Variants in SGCD observed in about 807,000 individuals in gnomAD.
SGCD encodes the protein sarcoglycan delta, also known as delta-sarcoglycan.
In SGCD, 18 loss-of-function variants were observed where a neutral mutation model predicts 36.6. That is an observed-to-expected ratio of 0.49 (90% CI 0.34 to 0.73). The LOEUF is 0.73. SGCD is among the 30% of genes least tolerant of loss of function. The pLI is 0.01. For missense variants in SGCD, 387 were observed against 346.7 expected (o/e 1.12, Z -0.92); for synonymous variants, 133 against 130.6 (o/e 1.02, Z -0.12).
chr5:156,429,151 G>A (rs1436224930), intron 3 of SGCD, among the ~76,000 whole-genome samples: 2 of 151,714 alleles, frequency 1.3e-5, no homozygotes, highest in African/African-American at 4.8e-5. Context: ...CTTAGGTCTA[G>A]TAGTAATTGT....
intron 3 of SGCD, among the ~76,000 whole-genome samples, chr5:156,409,297 T>TA (rs1210807700): frequency 2.0e-5 from 3 of 152,246 alleles, no homozygotes; most frequent in African/African-American, 7.2e-5. Context: ...CTCTTTGATG[T>TA]CTGTGTAGCA....
chr5:155,848,555 C>A, the SGCD span, among the ~76,000 whole-genome samples: 1 of 152,262 alleles, frequency 6.6e-6, no homozygotes, highest in East Asian at 1.9e-4. Flanking sequence ...GCCCTTTCAT[C>A]GTTTTCTTGT....
At chr5:156,369,159 T>C (rs1020383295) in intron 3 of SGCD, among the ~76,000 whole-genome samples, 5 of 152,224 alleles carry the variant, frequency 3.3e-5, no homozygotes, top group African/African-American at 1.2e-4. Context: ...AATCTCTTCA[T>C]GGCAAGGGCC....
the SGCD span, among the ~76,000 whole-genome samples, chr5:155,816,197 T>G: frequency 6.6e-6 from 1 of 152,180 alleles, no homozygotes; most frequent in Non-Finnish European, 1.5e-5. Context: ...ACAGTGGTCT[T>G]TAATTACAAG....
At chr5:156,343,106 A>G (rs983480162) in intron 2 of SGCD, among the ~76,000 whole-genome samples, 1 of 105,014 alleles carries the variant, frequency 9.5e-6, no homozygotes, top group Non-Finnish European at 1.8e-5. Context: ...ATGATTATCT[A>G]AAAACCAAAA....
intron 4 of SGCD, among the ~76,000 whole-genome samples, chr5:156,585,079 C>T (rs1002608094): frequency 2.0e-5 from 3 of 152,068 alleles, no homozygotes; most frequent in African/African-American, 4.8e-5. Context: ...TTGAGAGAGA[C>T]CAAAATGCTC....
intron 4 of SGCD, among the ~76,000 whole-genome samples, chr5:156,569,929 A>G (rs143987102): frequency 2.0e-5 from 3 of 152,206 alleles, no homozygotes; most frequent in African/African-American, 7.2e-5. Flanking sequence ...AGACCGGATC[A>G]TGTAGGATCT....
At position 156,248,119 on chromosome 5, in the gene SGCD, A is replaced by ATG. The variant is rs923283225; in HGVS notation, c.-43-81404_-43-81403dup. On this transcript the variant is annotated intron_variant, in intron 3 of 9. Transcript: ENST00000517913. ...AATAAAGTGTGTAGTATGTTTATGT[A>ATG]TGTGTGTGTGTGACAGAGAGAGAGA... Among the ~76,000 whole-genome samples, 20 of 152,012 alleles carry ATG rather than the reference A, an allele frequency of 1.3e-4. No homozygotes were observed. In the South Asian group the frequency reaches 2.7e-3, roughly 21 times the overall value.
At chr5:156,619,252 C>G (rs1294201354) in intron 6 of SGCD, among the ~76,000 whole-genome samples, 1 of 152,138 alleles carries the variant, frequency 6.6e-6, no homozygotes, top group Non-Finnish European at 1.5e-5. Flanking sequence ...GTCTCCATCT[C>G]CTGACCTCAT....
At chr5:156,247,726 C>T (rs868630916) in intron 3 of SGCD, among the ~76,000 whole-genome samples, 1 of 152,176 alleles carries the variant, frequency 6.6e-6, no homozygotes, top group South Asian at 2.1e-4. Flanking sequence ...TATTTAAAGT[C>T]ATAGCTTTGG....
At chr5:156,385,186 C>T (rs985179472) in intron 3 of SGCD, among the ~76,000 whole-genome samples, 2 of 152,192 alleles carry the variant, frequency 1.3e-5, no homozygotes, top group Middle Eastern at 3.2e-3. Flanking sequence ...TGACTAGTAA[C>T]CAGTCCTATG....
chr5:155,776,469 C>T, the SGCD span, among the ~76,000 whole-genome samples: 8 of 152,094 alleles, frequency 5.3e-5, no homozygotes, highest in Non-Finnish European at 7.4e-5. Context: ...AAAACAGACA[C>T]TGGATAAATA....
intron 1 of SGCD, among the ~76,000 whole-genome samples, chr5:156,015,500 G>A (rs1002581032): frequency 1.3e-5 from 2 of 151,890 alleles, no homozygotes; most frequent in Non-Finnish European, 2.9e-5. Flanking sequence ...CTGGGGAATA[G>A]TATTTACTAG....
At chr5:155,960,398 C>T (rs763331969) in intron 1 of SGCD, among the ~76,000 whole-genome samples, 1 of 152,036 alleles carries the variant, frequency 6.6e-6, no homozygotes, top group Non-Finnish European at 1.5e-5. Context: ...CCTAGCCCAG[C>T]GCCAAGCCCA....
At chr5:156,210,534 T>G (rs2127640638) in intron 3 of SGCD, among the ~76,000 whole-genome samples, 2 of 151,332 alleles carry the variant, frequency 1.3e-5, no homozygotes, top group South Asian at 4.2e-4. Flanking sequence ...TCAGTGAAAA[T>G]CAAGAATATA....
chr5:155,861,717 A>G, the SGCD span, among the ~76,000 whole-genome samples: 1 of 150,476 alleles, frequency 6.6e-6, no homozygotes, highest in Non-Finnish European at 1.5e-5. Context: ...AACTCTGTTA[A>G]AAAAATAAAT....
At chr5:156,343,798 T>G (rs1042263370) in intron 2 of SGCD, among the ~76,000 whole-genome samples, 4 of 152,328 alleles carry the variant, frequency 2.6e-5, no homozygotes, top group East Asian at 1.9e-4. Context: ...TTTACTTGAC[T>G]TTGACCCTCC....
chr5:155,966,060 T>C (rs752421153), intron 1 of SGCD, among the ~76,000 whole-genome samples: 3 of 152,102 alleles, frequency 2.0e-5, no homozygotes, highest in Non-Finnish European at 4.4e-5. Flanking sequence ...ACAAATCCTG[T>C]GAACCTCTTA....
At chr5:156,442,891 G>A (rs764545391) in intron 3 of SGCD, among the ~76,000 whole-genome samples, 6 of 152,172 alleles carry the variant, frequency 3.9e-5, no homozygotes, top group South Asian at 4.1e-4. Flanking sequence ...GATTTTAGAC[G>A]GTGGTTGGTA....
Sources: allele counts gnomAD v4.1 joint callset (sites outside exome capture counted in the v4.1 genomes callset), GRCh38; gene constraint gnomAD v4.1.1; transcripts MANE v1.5; gene names NCBI Gene and HGNC (gene_info 2026-07-23, HGNC 2026-07-21).